The following PCSK5 variants were observed in gnomAD, a reference collection of about 807,000 sequenced individuals.
PCSK5 encodes proprotein convertase subtilisin/kexin type 5.
PCSK5 carries 129 observed loss-of-function variants against 233.2 expected under a neutral mutation model. The ratio of observed to expected loss-of-function variants is 0.55; its 90% confidence interval spans 0.48 to 0.64. The LOEUF is 0.64. PCSK5 is among the 30% of genes least tolerant of loss of function. PCSK5 has a pLI of 0.00. For missense variants in PCSK5, 2,076 were observed against 2,430.1 expected, an observed-to-expected ratio of 0.85 and a Z score of 3.06; for synonymous variants, 825 against 879.2, an observed-to-expected ratio of 0.94 and a Z score of 1.09.
chr9:76,179,445 G>A, intron 14 of PCSK5, 151 bp from the exon 15 acceptor site: 1 of 546,990 alleles, frequency 1.8e-6, no homozygotes, highest in Non-Finnish European at 3.2e-6. Flanking sequence ...CTCATCTCTG[G>A]ACCTAAAGCC....
rs13295315 is a variant in PCSK5, at chr9:76,127,820, G to T, written c.1209-6289G>T. 9.7e-3 allele frequency among the ~76,000 whole-genome samples: 1,475 copies of T among 152,174 alleles called. 13 individuals are homozygous for T. The highest frequency in any genetic ancestry group is 0.019 in the Admixed American group (294 of 15,282). ...TTTATTTCCATTACCTCAAATTCTT[G>T]CAGCCATCTTGTGGAGTCAGCGTTA... On this transcript the variant is annotated intron_variant, in intron 9 of 37. Coordinates refer to ENST00000674117, the MANE Select transcript of PCSK5 (RefSeq NM_001372043.1).
intron 10 of PCSK5, 90 bp downstream of exon 10, chr9:76,134,302 C>T (rs1361633226): frequency 1.8e-5 from 13 of 714,936 alleles, no homozygotes; most frequent in East Asian, 2.9e-5. Flanking sequence ...ACCCCTCAAA[C>T]GAAACTTTAA....
chr9:76,018,380 C>A (rs1303376689), intron 3 of PCSK5, among the ~76,000 whole-genome samples: 4 of 152,186 alleles, frequency 2.6e-5, no homozygotes, highest in South Asian at 4.1e-4. Context: ...TGTTAGGAAC[C>A]GGGCTGCACA....
intron 3 of PCSK5, among the ~76,000 whole-genome samples, chr9:75,993,955 A>G (rs984148130): frequency 1.3e-5 from 2 of 152,194 alleles, no homozygotes; most frequent in African/African-American, 4.8e-5. Context: ...AGGTGTTCAT[A>G]ATAAACCATA....
Position 76,157,039 on chromosome 9 carries a change from C to T in PCSK5, c.1313-6C>T. ...GTGAAGCTGACCAGTCTCTCGCTTTCCACAGTGAGCCATCTTTATGGATTT... is the reference window on the plus strand; with the variant it reads ...GTGAAGCTGACCAGTCTCTCGCTTTTCACAGTGAGCCATCTTTATGGATTT... On this transcript the variant is annotated splice_region_variant and splice_polypyrimidine_tract_variant and intron_variant, in intron 10 of 37. Transcript: ENST00000674117. The T allele has an allele frequency of 1.9e-6, 3 of 1,606,436 alleles. No individual in the cohort carries two copies. The highest frequency in any genetic ancestry group is 2.6e-6 in the Non-Finnish European group (3 of 1,173,096).
Position 76,107,366 on chromosome 9 carries a change from C to A in PCSK5, c.1208+15C>A. The A allele has an allele frequency of 6.4e-7, 1 of 1,564,584 alleles. No individual in the cohort carries two copies. On this transcript the variant is annotated intron_variant, in intron 9 of 37. Transcript: ENST00000674117. ...CTGGAAGCCAAGTAAGCCTTGATCT[C>A]TATATGTCTTCAATGGTGACAACCC...
Position 76,107,292 on chromosome 9 carries a change from T to C in PCSK5, c.1149T>C (p.Thr383=), listed in dbSNP as rs780706296. The change falls in exon 9 of 38, where the codon ACT becomes ACC. Residue 383 remains threonine (T), a synonymous_variant. Transcript: ENST00000674117. ...DLRQRCTDNH[T]GTSASAPMAA... ...GGCAGCGTTGCACGGACAACCACAC[T>C]GGGACGTCAGCCTCAGCCCCCATGG... is the stretch of plus-strand genomic sequence containing the variant. 2 of 1,614,018 alleles carry C rather than the reference T, an allele frequency of 1.2e-6. No homozygotes were observed. The highest frequency in any genetic ancestry group is 2.2e-5 in the South Asian group (2 of 91,074).
chr9:75,984,233 A>G (rs555115232), intron 2 of PCSK5, among the ~76,000 whole-genome samples: 5 of 152,264 alleles, frequency 3.3e-5, no homozygotes, highest in Admixed American at 2.0e-4. Flanking sequence ...TCATTTGTCT[A>G]TTTGAATGTA....
intron 24 of PCSK5, among the ~76,000 whole-genome samples, chr9:76,246,879 TGGCAGGCCACTTCCAAAATGGC>T (rs1348712021): frequency 6.6e-6 from 1 of 152,220 alleles, no homozygotes; most frequent in African/African-American, 2.4e-5. Flanking sequence ...CCTAAGATGG[TGGCAGGCCACTTCCAAAATGGC>T]GGCAGGCCGC....
intron 24 of PCSK5, among the ~76,000 whole-genome samples, chr9:76,291,275 C>G (rs1045524875): frequency 1.3e-5 from 2 of 152,104 alleles, no homozygotes; most frequent in Admixed American, 6.5e-5. Context: ...CTGAAAAAAC[C>G]AGAAGAGGGC....
chr9:75,926,198 A>T (rs999390808), intron 1 of PCSK5, among the ~76,000 whole-genome samples: 1 of 149,584 alleles, frequency 6.7e-6, no homozygotes, highest in Non-Finnish European at 1.5e-5. Context: ...AAATAACCAG[A>T]ATTCAGAAAA....
At chr9:76,108,809 T>G (rs1272623630) in intron 9 of PCSK5, among the ~76,000 whole-genome samples, 1 of 152,160 alleles carries the variant, frequency 6.6e-6, no homozygotes, top group Non-Finnish European at 1.5e-5. Context: ...TTTCCCAGCA[T>G]TCACAGCTGC....
chr9:75,965,681 A>T (rs1825553357), intron 2 of PCSK5, among the ~76,000 whole-genome samples: 1 of 152,200 alleles, frequency 6.6e-6, no homozygotes, highest in Non-Finnish European at 1.5e-5. Context: ...AGAGTATTTA[A>T]TCCGGGCACC....
At chr9:76,188,766 C>A in intron 18 of PCSK5, 91 bp downstream of exon 18, 1 of 863,916 alleles carries the variant, frequency 1.2e-6, no homozygotes, top group Non-Finnish European at 1.9e-6. Context: ...CCACTTGATA[C>A]TTTTAAAGTA....
At chr9:76,302,276 C>G in intron 28 of PCSK5, 59 bp downstream of exon 28, 1 of 789,306 alleles carries the variant, frequency 1.3e-6, no homozygotes, top group Non-Finnish European at 1.8e-6. Flanking sequence ...TGGAGATGGT[C>G]TCCGTGGAGA....
intron 32 of PCSK5, among the ~76,000 whole-genome samples, chr9:76,326,241 C>G (rs1829355232): frequency 6.6e-6 from 1 of 152,006 alleles, no homozygotes; most frequent in Non-Finnish European, 1.5e-5. Flanking sequence ...CAAAAATTAG[C>G]CAGATGTAGT....
At chr9:76,180,141 G>T (rs1477384116) in intron 15 of PCSK5, among the ~76,000 whole-genome samples, 3 of 147,152 alleles carry the variant, frequency 2.0e-5, no homozygotes, top group Admixed American at 6.8e-5. Flanking sequence ...ACACGTTTTG[G>T]AACAACTAAA....
chr9:76,040,998 G>A (rs1040367993), intron 5 of PCSK5, among the ~76,000 whole-genome samples: 2 of 152,284 alleles, frequency 1.3e-5, no homozygotes, highest in Non-Finnish European at 2.9e-5. Flanking sequence ...GAGACCATCA[G>A]TTTTCCAAAA....
intron 2 of PCSK5, among the ~76,000 whole-genome samples, chr9:75,966,124 G>T (rs1015100593): frequency 6.6e-6 from 1 of 152,180 alleles, no homozygotes; most frequent in Non-Finnish European, 1.5e-5. Context: ...GTGTCAACCG[G>T]TGTCTCTAGG....
Sources: allele counts gnomAD v4.1 joint callset (sites outside exome capture counted in the v4.1 genomes callset), GRCh38; gene constraint gnomAD v4.1.1; transcripts MANE v1.5; gene names NCBI Gene and HGNC (gene_info 2026-07-23, HGNC 2026-07-21).